MAP3K20: variants seen among roughly 807,000 people sequenced by gnomAD.
MAP3K20 encodes mitogen-activated protein kinase kinase kinase 20, also known as HCCS-4.
Under a neutral mutation model 85.7 loss-of-function variants are expected in MAP3K20, and 40 were observed. The observed-to-expected ratio is 0.47, with a 90% CI of 0.36 to 0.61. MAP3K20 has a LOEUF of 0.61. MAP3K20 is among the 20% of genes least tolerant of loss of function. The pLI, the probability that MAP3K20 is intolerant of heterozygous loss-of-function variation, is 0.00. For missense variants in MAP3K20, 817 were observed against 961.7 expected, an observed-to-expected ratio of 0.85 and a Z score of 1.99; for synonymous variants, 325 against 327.7, an observed-to-expected ratio of 0.99 and a Z score of 0.09.
In MAP3K20 at chr2:173,198,140, C is replaced by T. The variant is rs1440292799; in HGVS notation, c.669+28C>T. 8 of 1,589,742 alleles carry T rather than the reference C, an allele frequency of 5.0e-6. 2 individuals carry two copies. Among genetic ancestry groups the T allele is most frequent in the Admixed American group, 3.4e-5 (2 of 58,190 alleles). On this transcript the variant is annotated intron_variant, in intron 8 of 19. Transcript: ENST00000375213. This position sits in a 1 kb window ranked among gnomAD's most constrained non-coding sequence, Gnocchi z 5.8. ...AAGACTACGTTTCTCCATTCAGGTA[C>T]ATAGATCAGAAAACAGTATTGGGGT...
At position 173,109,477 on chromosome 2, in the gene MAP3K20, G is replaced by GTT. The variant is rs1215953827; in HGVS notation, c.159+18297_159+18298dup. On this transcript the variant is annotated intron_variant, in intron 2 of 19. Coordinates refer to ENST00000375213, the MANE Select transcript of MAP3K20 (RefSeq NM_016653.3). ...ATATGTCTTTCCGTTTATTATGGTG[G>GTT]TTTTTTTTTTTCTGTTTGTTTTAGT... Among the ~76,000 whole-genome samples the GTT allele has an allele frequency of 5.7e-4, 84 of 146,560 alleles. 1 individual carries two copies. In the South Asian group the frequency reaches 9.9e-3, roughly 17 times the overall value.
intron 2 of MAP3K20, among the ~76,000 whole-genome samples, chr2:173,139,536 T>C (rs1359236011): frequency 6.6e-6 from 1 of 152,242 alleles, no homozygotes; most frequent in Non-Finnish European, 1.5e-5. Context: ...ATTAAAATTA[T>C]ACTCTTCAGA....
intron 9 of MAP3K20, among the ~76,000 whole-genome samples, chr2:173,205,058 G>A (rs1452255194): frequency 6.7e-6 from 1 of 148,198 alleles, no homozygotes; most frequent in Non-Finnish European, 1.5e-5. Flanking sequence ...AGCCAAGATT[G>A]CGCCACTGCA....
At position 173,191,186 on chromosome 2, in the gene MAP3K20, AT is replaced by A. The variant is rs1161622702; in HGVS notation, c.582+12del. ...CATATTCCTATGGTGTGGTGAGTTC[AT>A]TTCTCATTTCTTGTTTACTAAGGGA... On this transcript the variant is annotated intron_variant, in intron 7 of 19. Transcript: ENST00000375213. 6.2e-7 allele frequency: 1 copy of A among 1,610,714 alleles called. No homozygotes were observed. The highest frequency in any genetic ancestry group is 8.5e-7 in the Non-Finnish European group (1 of 1,179,116).
chr2:173,230,812 A>G (rs1684506257), intron 12 of MAP3K20, among the ~76,000 whole-genome samples: 1 of 152,134 alleles, frequency 6.6e-6, no homozygotes, highest in Non-Finnish European at 1.5e-5. Flanking sequence ...CCTGGCCAAC[A>G]TGGTGAAACC....
chr2:173,080,440 G>A (rs1037148041), intron 1 of MAP3K20, among the ~76,000 whole-genome samples: 3 of 152,226 alleles, frequency 2.0e-5, no homozygotes, highest in Non-Finnish European at 4.4e-5. Context: ...TGGAGCCTGG[G>A]AAGTCCAGGT....
chr2:173,144,147 TAAAG>T (rs1242393331), intron 2 of MAP3K20, among the ~76,000 whole-genome samples: 3 of 150,026 alleles, frequency 2.0e-5, no homozygotes, highest in Non-Finnish European at 3.0e-5. Flanking sequence ...AAAATAAAAA[TAAAG>T]AAAGGAAAAG....
chr2:173,085,236 A>C (rs2106140180), intron 1 of MAP3K20, among the ~76,000 whole-genome samples: 1 of 152,264 alleles, frequency 6.6e-6, no homozygotes, highest in East Asian at 1.9e-4. Context: ...TTTTGTTTTT[A>C]ATTTGGGGCA....
At position 173,232,249 on chromosome 2, in the gene MAP3K20, A is replaced by G. The variant is rs561121122; in HGVS notation, c.1063+27A>G. On this transcript the variant is annotated intron_variant, in intron 13 of 19. Coordinates refer to ENST00000375213, the MANE Select transcript of MAP3K20 (RefSeq NM_016653.3). ...CAAGTGGAATAAGTTACCTTCTTCA[A>G]TCATGGAGTTAACTTTGTTTTGGAT... 70 of 1,614,220 alleles carry G rather than the reference A, an allele frequency of 4.3e-5. No homozygotes were observed. The Middle Eastern group carries it at 9.9e-4, about 23-fold the overall frequency.
chr2:173,254,361 G>T (rs529738636), intron 16 of MAP3K20, among the ~76,000 whole-genome samples: 4 of 151,736 alleles, frequency 2.6e-5, no homozygotes, highest in Middle Eastern at 3.4e-3. Flanking sequence ...GTGAACCTAG[G>T]GGGTGGAGCT....
At position 173,133,296 on chromosome 2, in the gene MAP3K20, C is replaced by T. The variant is rs138662776; in HGVS notation, c.160-36509C>T. Among the ~76,000 whole-genome samples, 4 of 152,162 alleles carry T rather than the reference C, an allele frequency of 2.6e-5. No individual in the cohort carries two copies. In the East Asian group the frequency reaches 5.8e-4, roughly 22 times the overall value. On this transcript the variant is annotated intron_variant, in intron 2 of 19. Transcript: ENST00000375213. The stretch of plus-strand genomic sequence containing the variant: ...AAGCAGATTGGGTAACACGTAGAGA[C>T]GATGCACAGTTTGGAAACTACAGTT...
intron 7 of MAP3K20, chr2:173,192,982 T>G (rs1198798668): frequency 6.6e-6 from 1 of 152,192 alleles, no homozygotes; most frequent in Non-Finnish European, 1.5e-5. Context: ...TAGTTGGCTT[T>G]TTGTTTCTTA....
In MAP3K20 at chr2:173,237,017, AC is replaced by A. The variant is rs199949462; in HGVS notation, c.1204-1354del. On this transcript the variant is annotated intron_variant, in intron 14 of 19. Coordinates refer to ENST00000375213, the MANE Select transcript of MAP3K20 (RefSeq NM_016653.3). Reference sequence around the variant, plus strand: ...AACTGGACAGTGGAGCAGTATATCCACCTTTTTTTTTTTTTTTTTTTTTTTT... The same window carrying A: ...AACTGGACAGTGGAGCAGTATATCCACTTTTTTTTTTTTTTTTTTTTTTTT... 5.0e-3 allele frequency among the ~76,000 whole-genome samples: 527 copies of A among 105,238 alleles called. 7 individuals carry two copies. The highest frequency in any genetic ancestry group is 0.015 in the South Asian group (49 of 3,274). 69.0% of individuals were successfully genotyped at this position (105,238 alleles called of 152,430 possible).
At chr2:173,177,175 AC>A (rs1690185908) in intron 3 of MAP3K20, among the ~76,000 whole-genome samples, 1 of 152,106 alleles carries the variant, frequency 6.6e-6, no homozygotes, top group Non-Finnish European at 1.5e-5. Context: ...CTTGAAGAAC[AC>A]TCTCAGCCAA....
chr2:173,209,161 G>A (rs1683791002), intron 9 of MAP3K20, among the ~76,000 whole-genome samples: 2 of 152,158 alleles, frequency 1.3e-5, no homozygotes, highest in South Asian at 4.1e-4. Flanking sequence ...GAGGTTTGGA[G>A]TACAGATTAT....
intron 9 of MAP3K20, among the ~76,000 whole-genome samples, chr2:173,208,270 A>T (rs562216029): frequency 6.6e-6 from 1 of 152,100 alleles, no homozygotes; most frequent in East Asian, 1.9e-4. Flanking sequence ...ATGGTGGCAA[A>T]CACCTTTAGT....
At chr2:173,169,719 C>CAA (rs67882203) in intron 2 of MAP3K20, 86 bp from the exon 3 acceptor site, 16 of 1,331,456 alleles carry the variant, frequency 1.2e-5, no homozygotes, top group African/African-American at 1.0e-4. Context: ...GACCCTAACT[C>CAA]AAAAAAAAAT....
At chr2:173,077,777 A>G (rs1686907491) in intron 1 of MAP3K20, among the ~76,000 whole-genome samples, 1 of 152,234 alleles carries the variant, frequency 6.6e-6, no homozygotes, top group Non-Finnish European at 1.5e-5. Flanking sequence ...ATATATAAGG[A>G]CACAGTAAAG....
At chr2:173,106,921 G>A (rs1478229426) in intron 2 of MAP3K20, among the ~76,000 whole-genome samples, 1 of 152,132 alleles carries the variant, frequency 6.6e-6, no homozygotes, top group Non-Finnish European at 1.5e-5. Flanking sequence ...CATGACCAAA[G>A]GAATTTGTGA....
Sources: gnomAD v4.1 joint callset for allele counts (sites outside exome capture counted in the v4.1 genomes callset) on GRCh38, gnomAD v4.1.1 for gene constraint, Gnocchi (gnomAD v3.1) non-coding constraint, MANE v1.5 for transcripts, NCBI Gene and HGNC (gene_info 2026-07-23, HGNC 2026-07-21) for gene names.